Variants in MAPRE1 observed in about 807,000 individuals in gnomAD.
MAPRE1 encodes the protein microtubule-associated protein RP/EB family member 1.
Under a neutral mutation model 32.1 loss-of-function variants are expected in MAPRE1, and 5 were observed. The ratio of observed to expected loss-of-function variants is 0.16; its 90% CI spans 0.08 to 0.33. MAPRE1 has a LOEUF of 0.33. Among genes scored for constraint, MAPRE1 ranks in the 10% least tolerant of loss-of-function variants. The pLI, the probability that MAPRE1 is intolerant of heterozygous loss-of-function variation, is 1.00. For synonymous variants in MAPRE1, 122 were observed against 118.9 expected, an observed-to-expected ratio of 1.03 and a Z score of -0.17; for missense variants, 209 against 327.2, an observed-to-expected ratio of 0.64 and a Z score of 2.79.
chr20:32,823,209 C>T (rs1377244336), intron 1 of MAPRE1, among the ~76,000 whole-genome samples: 4 of 152,210 alleles, frequency 2.6e-5, no homozygotes, highest in African/African-American at 9.7e-5. Flanking sequence ...CCTCTTCTGG[C>T]TGTCACATTC....
intron 2 of MAPRE1, among the ~76,000 whole-genome samples, chr20:32,832,924 C>T (rs1983079119): frequency 7.3e-6 from 1 of 137,650 alleles, no homozygotes; most frequent in Non-Finnish European, 1.5e-5. Context: ...AGCTTGGCAA[C>T]AGAGCGAGAC....
At chr20:32,838,747 A>G (rs1262134793) in intron 4 of MAPRE1, among the ~76,000 whole-genome samples, 1 of 152,216 alleles carries the variant, frequency 6.6e-6, no homozygotes, top group East Asian at 1.9e-4. Flanking sequence ...GGAGACGTGC[A>G]TTAAGCATTT....
intron 2 of MAPRE1, among the ~76,000 whole-genome samples, chr20:32,826,284 T>G (rs1982846210): frequency 6.8e-6 from 1 of 147,902 alleles, no homozygotes; most frequent in Non-Finnish European, 1.5e-5. Context: ...TGGCGCGATC[T>G]CGGCTCACTT....
Position 32,836,619 on chromosome 20 carries a change from T to A in MAPRE1, c.268-15T>A. 1 of 1,534,030 alleles carries A rather than the reference T, an allele frequency of 6.5e-7. No individual in the cohort carries two copies. The highest frequency in any genetic ancestry group is 9.0e-7 in the Non-Finnish European group (1 of 1,109,466). ...AGCCTCTTTTTTGGGGCTAAACAGT[T>A]GTTTTTCTCTGCAGATAATTCCTGT... On this transcript the variant is annotated splice_polypyrimidine_tract_variant and intron_variant, in intron 3 of 6. Coordinates refer to ENST00000375571, the MANE Select transcript of MAPRE1 (RefSeq NM_012325.3).
At chr20:32,844,989 C>CTGTA (rs35343459) in intron 5 of MAPRE1, among the ~76,000 whole-genome samples, 6,664 of 150,362 alleles carry the variant, frequency 0.044, 178 homozygotes, top group East Asian at 0.093. Flanking sequence ...AGTAGCTGTA[C>CTGTA]TGTATGTATG....
rs371494432 is a variant in MAPRE1, at chr20:32,820,499, T to TG, written c.-4+473dup. Among the ~76,000 whole-genome samples, 642 of 152,302 alleles carry TG rather than the reference T, an allele frequency of 4.2e-3. 2 individuals carry two copies. The highest frequency in any genetic ancestry group is 0.014 in the Middle Eastern group (4 of 294). ...CCTTGGACAGGTGCTTTAACCGCTG[T>TG]GGATCTCAGCTTCCTCATCTGTAAA... On this transcript the variant is annotated intron_variant, in intron 1 of 6. Coordinates refer to ENST00000375571, the MANE Select transcript of MAPRE1 (RefSeq NM_012325.3).
In MAPRE1 at chr20:32,839,767, G is replaced by A. The variant is rs746726671; in HGVS notation, c.508G>A (p.Ala170Thr). 10 of 1,614,026 alleles carry A rather than the reference G, an allele frequency of 6.2e-6. No individual in the cohort carries two copies. The highest frequency in any genetic ancestry group is 1.7e-5 in the Admixed American group (1 of 60,004). Residue 170 changes from alanine to threonine, a missense_variant, in exon 5 of 7, where the codon GCT becomes ACT. Around this residue, in one of 3 missense-constraint regions of MAPRE1, gnomAD observed 106 missense variants for 115.3 expected, o/e 0.92. Transcript: ENST00000375571. Reference sequence around the variant, plus strand: ...GAGGCCCATCTCAACACAGAGAACCGCTGCGGCTCCTAAGGCTGGCCCTGG... The same window carrying A: ...GAGGCCCATCTCAACACAGAGAACCACTGCGGCTCCTAAGGCTGGCCCTGG... ...PQRPISTQRT[A>T]AAPKAGPGVV...
chr20:32,831,927 T>TA lies in MAPRE1; in HGVS notation c.122-1783dup, dbSNP rs1302535571. Among the ~76,000 whole-genome samples, 123 of 133,830 alleles carry TA rather than the reference T, an allele frequency of 9.2e-4. 1 individual carries two copies. The highest frequency in any genetic ancestry group is 3.9e-3 in the Middle Eastern group (1 of 256). 87.8% of individuals were successfully genotyped at this position (133,830 alleles called of 152,430 possible). A position where few individuals can be genotyped will look rare whatever the true frequency, so the allele number is the denominator to read the frequency against. On this transcript the variant is annotated intron_variant, in intron 2 of 6. Coordinates refer to ENST00000375571, the MANE Select transcript of MAPRE1 (RefSeq NM_012325.3). ...ATAGATTGTCTTCTATTTGGGTTTT[T>TA]AAAAAAAGTTCGTCCGTTTCAAAAA...
intron 4 of MAPRE1, among the ~76,000 whole-genome samples, chr20:32,838,127 C>A (rs1052294995): frequency 6.6e-6 from 1 of 152,074 alleles, no homozygotes. Flanking sequence ...TAATAGTTGT[C>A]ACTTCCCACT....
chr20:32,844,651 A>G (rs1286076489), intron 5 of MAPRE1, among the ~76,000 whole-genome samples: 2 of 151,804 alleles, frequency 1.3e-5, no homozygotes, highest in Non-Finnish European at 2.9e-5. Flanking sequence ...TGACCTCGTG[A>G]TCCGCCTGCC....
In MAPRE1 at chr20:32,826,078, A is replaced by G. The variant is rs1459899324; in HGVS notation, c.121+30A>G. 5 of 1,559,710 alleles carry G rather than the reference A, an allele frequency of 3.2e-6. No individual in the cohort carries two copies. The African/African-American group carries it at 5.4e-5, about 17-fold the overall frequency. On this transcript the variant is annotated intron_variant, in intron 2 of 6. Coordinates refer to ENST00000375571, the MANE Select transcript of MAPRE1 (RefSeq NM_012325.3). Reference sequence around the variant, plus strand: ...GAGAAATCTGCTGGATCATTTTTCTAGGAAAGCCTGTAGGTTTTTCAGGAA... The same window carrying G: ...GAGAAATCTGCTGGATCATTTTTCTGGGAAAGCCTGTAGGTTTTTCAGGAA...
At chr20:32,821,149 G>C (rs1164626095) in intron 1 of MAPRE1, among the ~76,000 whole-genome samples, 1 of 151,920 alleles carries the variant, frequency 6.6e-6, no homozygotes, top group East Asian at 1.9e-4. Flanking sequence ...CCGAGTAGTC[G>C]GGATTACAGG....
chr20:32,822,682 T>TG (rs764540177), intron 1 of MAPRE1, among the ~76,000 whole-genome samples: 7 of 152,204 alleles, frequency 4.6e-5, no homozygotes, highest in Non-Finnish European at 1.0e-4. Context: ...TGAGGTACAT[T>TG]GAGTTTAAGT....
At chr20:32,844,321 A>G (rs910668614) in intron 5 of MAPRE1, among the ~76,000 whole-genome samples, 2 of 152,020 alleles carry the variant, frequency 1.3e-5, no homozygotes, top group Non-Finnish European at 2.9e-5. Flanking sequence ...GGTGGGACCC[A>G]GAAGGCTGGG....
Position 32,836,850 on chromosome 20 carries a change from AC to A in MAPRE1, c.475+10del. The A allele has an allele frequency of 6.3e-7, 1 of 1,585,610 alleles. No homozygotes were observed. Among genetic ancestry groups the A allele is most frequent in the Non-Finnish European group, 8.5e-7 (1 of 1,171,978 alleles). Reference sequence around the variant, plus strand: ...CACTTCTAGCAGTGCAGGTAAAAAAACAACCCCAAAACGTTTCCAAAAAATA... The same window carrying A: ...CACTTCTAGCAGTGCAGGTAAAAAAAAACCCCAAAACGTTTCCAAAAAATA... On this transcript the variant is annotated intron_variant, in intron 4 of 6. Coordinates refer to ENST00000375571, the MANE Select transcript of MAPRE1 (RefSeq NM_012325.3).
At chr20:32,843,200 C>G (rs996246899) in intron 5 of MAPRE1, 7 of 152,098 alleles carry the variant, frequency 4.6e-5, no homozygotes, top group Non-Finnish European at 1.0e-4. Context: ...AAGTCCTTCC[C>G]TTACCTGTTA....
At chr20:32,842,234 C>T (rs371502894) in intron 5 of MAPRE1, among the ~76,000 whole-genome samples, 6 of 152,070 alleles carry the variant, frequency 3.9e-5, no homozygotes, top group African/African-American at 9.7e-5. Context: ...TACAGGCACC[C>T]GCCACCACGC....
At chr20:32,840,459 A>G (rs979152540) in intron 5 of MAPRE1, among the ~76,000 whole-genome samples, 9 of 151,982 alleles carry the variant, frequency 5.9e-5, no homozygotes, top group Non-Finnish European at 8.8e-5. Context: ...CTTTTTGTTA[A>G]TTCTATTTTT....
intron 4 of MAPRE1, among the ~76,000 whole-genome samples, chr20:32,837,227 A>T (rs1382718043): frequency 6.6e-6 from 1 of 152,242 alleles, no homozygotes; most frequent in African/African-American, 2.4e-5. Flanking sequence ...GAGCCCTAGG[A>T]TGGGAAGTTA....
Sources: gnomAD v4.1 joint callset for allele counts (sites outside exome capture counted in the v4.1 genomes callset) on GRCh38, gnomAD v4.1.1 for gene constraint, gnomAD v4.1.1 regional missense constraint, MANE v1.5 for transcripts, NCBI Gene and HGNC (gene_info 2026-07-23, HGNC 2026-07-21) for gene names.